GPC6: variants seen among roughly 807,000 people sequenced by gnomAD.
GPC6 encodes the protein glypican 6.
A neutral mutation model predicts 55.2 loss-of-function variants in GPC6; 14 were observed. The observed-to-expected ratio is 0.25, with a 90% confidence interval of 0.17 to 0.40. The LOEUF (loss-of-function observed/expected upper bound fraction) is 0.40, where lower values mean the gene tolerates loss of function less well. GPC6 is among the 10% of genes least tolerant of loss of function. The pLI is 1.00. For missense variants in GPC6, 641 were observed against 708.5 expected (o/e 0.90, Z 1.08); for synonymous variants, 278 against 259.6 (o/e 1.07, Z -0.68).
chr13:93,684,239 G>T (rs957089302), intron 2 of GPC6, among the ~76,000 whole-genome samples: 28 of 152,122 alleles, frequency 1.8e-4, no homozygotes, highest in African/African-American at 6.5e-4. Flanking sequence ...AGCCTGGAGT[G>T]CAGTGGTGTA....
chr13:93,269,728 A>G (rs1031480587), intron 1 of GPC6, among the ~76,000 whole-genome samples: 1 of 148,996 alleles, frequency 6.7e-6, no homozygotes, highest in African/African-American at 2.5e-5. Context: ...GATCAAGACT[A>G]TCCTGGCTAG....
chr13:93,264,652 C>A (rs1030471584), intron 1 of GPC6, among the ~76,000 whole-genome samples: 1 of 152,094 alleles, frequency 6.6e-6, no homozygotes, highest in East Asian at 1.9e-4. Flanking sequence ...CCCTCTTTGG[C>A]CTTCCAAAGT....
chr13:93,615,807 C>T (rs772159203), intron 2 of GPC6, among the ~76,000 whole-genome samples: 3 of 152,016 alleles, frequency 2.0e-5, no homozygotes, highest in South Asian at 2.1e-4. Context: ...CAATTCCAAT[C>T]GCCAAACTCA....
chr13:93,941,676 TG>T (rs1878745256), intron 3 of GPC6, among the ~76,000 whole-genome samples: 2 of 152,212 alleles, frequency 1.3e-5, no homozygotes, highest in Admixed American at 1.3e-4. Context: ...ATTCTTTGAC[TG>T]TCTTTAGAGA....
intron 3 of GPC6, among the ~76,000 whole-genome samples, chr13:93,982,441 G>A (rs1880848785): frequency 6.6e-6 from 1 of 152,190 alleles, no homozygotes; most frequent in Non-Finnish European, 1.5e-5. Flanking sequence ...AAAGGTCACA[G>A]AAGATTACTA....
intron 1 of GPC6, among the ~76,000 whole-genome samples, chr13:93,260,310 C>A (rs891997222): frequency 3.3e-5 from 5 of 151,980 alleles, no homozygotes; most frequent in Middle Eastern, 3.4e-3. Context: ...TTGGCCATCA[C>A]GTAAAAATAA....
intron 3 of GPC6, among the ~76,000 whole-genome samples, chr13:93,979,281 T>TTGTG (rs72400372): frequency 0.068 from 9,522 of 140,054 alleles, 426 homozygotes; most frequent in African/African-American, 0.15. Flanking sequence ...GACACTTCTT[T>TTGTG]TGTGTGTGTG....
At chr13:93,687,739 T>G (rs925341157) in intron 2 of GPC6, among the ~76,000 whole-genome samples, 1 of 152,184 alleles carries the variant, frequency 6.6e-6, no homozygotes. Context: ...TAGGCTAGTT[T>G]TACCAAACCT....
chr13:94,221,451 A>G lies in GPC6; in HGVS notation c.878-64898A>G, dbSNP rs564273248. Among the ~76,000 whole-genome samples the G allele has an allele frequency of 2.6e-5, 4 of 152,252 alleles. No individual in the cohort carries two copies. The East Asian group carries it at 7.7e-4, about 29-fold the overall frequency. On this transcript the variant is annotated intron_variant, in intron 4 of 8. Coordinates refer to ENST00000377047, the MANE Select transcript of GPC6 (RefSeq NM_005708.5). ...ATCTCTAAGCCAACTTATTTTTCAT[A>G]GAAATTGACACTTAAATCAGAAATC...
intron 1 of GPC6, among the ~76,000 whole-genome samples, chr13:93,398,735 A>G (rs1296341606): frequency 1.3e-5 from 2 of 152,162 alleles, no homozygotes; most frequent in Non-Finnish European, 2.9e-5. Flanking sequence ...TACCCTCGAG[A>G]GGCAGAGAGT....
At chr13:94,227,461 A>G (rs1173563688) in intron 4 of GPC6, among the ~76,000 whole-genome samples, 1 of 152,240 alleles carries the variant, frequency 6.6e-6, no homozygotes, top group Non-Finnish European at 1.5e-5. Flanking sequence ...CACTCTGACC[A>G]CTAGGACATT....
intron 2 of GPC6, among the ~76,000 whole-genome samples, chr13:93,613,339 A>G (rs1207749242): frequency 6.6e-6 from 1 of 152,184 alleles, no homozygotes; most frequent in Non-Finnish European, 1.5e-5. Flanking sequence ...GATTATTAGG[A>G]CTAAAGGTGG....
intron 2 of GPC6, among the ~76,000 whole-genome samples, chr13:93,811,029 G>A (rs1329215002): frequency 6.6e-6 from 1 of 152,108 alleles, no homozygotes; most frequent in Non-Finnish European, 1.5e-5. Context: ...CAACAATTGT[G>A]TAGCACTTAA....
At chr13:93,357,066 T>C (rs1435105134) in intron 1 of GPC6, among the ~76,000 whole-genome samples, 2 of 152,226 alleles carry the variant, frequency 1.3e-5, no homozygotes, top group Non-Finnish European at 2.9e-5. Flanking sequence ...TTTGCATTTG[T>C]AGTGTATAAC....
chr13:93,843,582 C>G (rs913459018), intron 3 of GPC6, among the ~76,000 whole-genome samples: 5 of 152,074 alleles, frequency 3.3e-5, no homozygotes, highest in African/African-American at 1.2e-4. Context: ...TATAAAAAAA[C>G]ATAATTTATT....
Position 93,851,617 on chromosome 13 carries a change from G to A in GPC6, c.711+21072G>A, listed in dbSNP as rs535691001. On this transcript the variant is annotated intron_variant, in intron 3 of 8. Transcript: ENST00000377047. ...TGACTGTAACCTTTAAATATATCTC[G>A]GGAAGATTTGAAGGCACTTTTGCTA... Among the ~76,000 whole-genome samples, 149 of 151,766 alleles carry A rather than the reference G, an allele frequency of 9.8e-4. 5 individuals are homozygous for A. The South Asian group carries it at 0.03, about 31-fold the overall frequency.
chr13:93,833,826 A>G (rs61200545), intron 3 of GPC6, among the ~76,000 whole-genome samples: 5,683 of 152,206 alleles, frequency 0.037, 137 homozygotes, highest in South Asian at 0.065. Context: ...TATGGATACA[A>G]ACAGTCTTTT....
intron 1 of GPC6, among the ~76,000 whole-genome samples, chr13:93,507,717 T>C (rs1880789825): frequency 6.6e-6 from 1 of 152,206 alleles, no homozygotes; most frequent in Admixed American, 6.5e-5. Flanking sequence ...AAATTACTTT[T>C]CCTGTCCTGA....
At chr13:93,377,215 C>T (rs992534978) in intron 1 of GPC6, among the ~76,000 whole-genome samples, 1 of 152,132 alleles carries the variant, frequency 6.6e-6, no homozygotes, top group Non-Finnish European at 1.5e-5. Context: ...GCCAGAGAAA[C>T]ACCAGAGCAT....
Sources: gnomAD v4.1 joint callset for allele counts (sites outside exome capture counted in the v4.1 genomes callset) on GRCh38, gnomAD v4.1.1 for gene constraint, MANE v1.5 for transcripts, NCBI Gene and HGNC (gene_info 2026-07-23, HGNC 2026-07-21) for gene names.